FDFT1: variants seen among roughly 807,000 people sequenced by gnomAD.
The protein encoded by FDFT1 is squalene synthase.
In FDFT1, 68 loss-of-function variants were observed where a neutral mutation model predicts 46.8. That is an observed-to-expected ratio of 1.45 (90% CI 1.19 to 1.78). FDFT1 has a LOEUF of 1.78. Among genes scored for constraint, FDFT1 ranks in the 40% most tolerant of loss-of-function variants. The pLI, the probability that FDFT1 is intolerant of heterozygous loss-of-function variation, is 0.00. For synonymous variants in FDFT1, 351 were observed against 185.1 expected, an observed-to-expected ratio of 1.90 and a Z score of -7.28; for missense variants, 928 against 524.4, an observed-to-expected ratio of 1.77 and a Z score of -7.52.
chr8:11,810,264 C>G (rs923738018), intron 3 of FDFT1, among the ~76,000 whole-genome samples: 4 of 152,184 alleles, frequency 2.6e-5, no homozygotes, highest in African/African-American at 9.7e-5. Flanking sequence ...GTGAAAGATT[C>G]TCAGGCTAGC....
At position 11,826,127 on chromosome 8, in the gene FDFT1, A is replaced by G. The variant is rs1378967141; in HGVS notation, c.614A>G (p.Asn205Ser). The G allele has an allele frequency of 5.0e-6, 8 of 1,608,726 alleles. No individual in the cohort carries two copies. Among genetic ancestry groups the G allele is most frequent in the South Asian group, 1.1e-5 (1 of 90,620 alleles). Residue 205 changes from asparagine (N) to serine (S), a missense_variant, in exon 5 of 8, where the codon AAC (asparagine) becomes AGC (serine). By Grantham distance (46) the Asn-to-Ser change is conservative. Coordinates refer to ENST00000220584, the MANE Select transcript of FDFT1 (RefSeq NM_004462.5). ...GTTGGTGAAGATACAGAACGTGCCA[A>G]CTCTATGGGCCTGTTTTTGCAGAAA... Reference protein sequence around the residue: ...PLVGEDTERANSMGLFLQKTN... With the variant: ...PLVGEDTERASSMGLFLQKTN...
At chr8:11,825,972 C>A in intron 4 of FDFT1, 52 bp from the exon 5 acceptor site, 1 of 1,328,272 alleles carries the variant, frequency 7.5e-7, no homozygotes, top group Non-Finnish European at 1.0e-6. Flanking sequence ...CTAGTGTGTC[C>A]ATTTCAGTAA....
chr8:11,805,845 C>T (rs959928871), intron 1 of FDFT1, among the ~76,000 whole-genome samples: 19 of 152,120 alleles, frequency 1.2e-4, no homozygotes, highest in Admixed American at 3.3e-4. Flanking sequence ...TAAATTCTGC[C>T]CCAGGTCTTG....
upstream of FDFT1, among the ~76,000 whole-genome samples, chr8:11,800,272 AAAAAAAAAAAAAAAAAAAAAG>A (rs1469227470): frequency 8.5e-5 from 11 of 129,650 alleles, no homozygotes; most frequent in Non-Finnish European, 2.0e-4. Context: ...AAAAAAAAAA[AAAAAAAAAAAAAAAAAAAAAG>A]GCGCTTGAAC....
intron 3 of FDFT1, among the ~76,000 whole-genome samples, chr8:11,812,348 G>A (rs1174433566): frequency 1.3e-5 from 2 of 152,226 alleles, no homozygotes; most frequent in Non-Finnish European, 2.9e-5. Flanking sequence ...CCTTGGGCCT[G>A]AGTGATGGCC....
intron 3 of FDFT1, 56 bp from the exon 4 acceptor site, chr8:11,821,694 G>C (rs1236911379): frequency 6.3e-7 from 1 of 1,588,498 alleles, no homozygotes; most frequent in Non-Finnish European, 8.6e-7. Context: ...TGTGATCTTT[G>C]GTGCCATGTC....
In FDFT1 at chr8:11,814,300, G is replaced by GTTT. The variant is rs368859890; in HGVS notation, c.381+4465_381+4467dup. ...TGGAAGTACCAGATTGATTTTATAG[G>GTTT]TTTTTTTTTTTTTTTTTGGAGGGAC... On this transcript the variant is annotated intron_variant, in intron 3 of 7. Coordinates refer to ENST00000220584, the MANE Select transcript of FDFT1 (RefSeq NM_004462.5). Among the ~76,000 whole-genome samples the GTTT allele has an allele frequency of 8.6e-3, 1,182 of 137,958 alleles. 23 individuals carry two copies. Among genetic ancestry groups the GTTT allele is most frequent in the African/African-American group, 0.028 (1,056 of 37,164 alleles). The allele number at this position is 137,958 out of a possible 152,430, so 90.5% of individuals were successfully genotyped here.
At chr8:11,810,310 C>A (rs947743125) in intron 3 of FDFT1, among the ~76,000 whole-genome samples, 1 of 152,310 alleles carries the variant, frequency 6.6e-6, no homozygotes, top group Non-Finnish European at 1.5e-5. Context: ...TGCAGCCTAC[C>A]TGTAACACTG....
intron 3 of FDFT1, among the ~76,000 whole-genome samples, chr8:11,816,659 G>A (rs145913824): frequency 6.6e-6 from 1 of 152,052 alleles, no homozygotes; most frequent in Non-Finnish European, 1.5e-5. Context: ...TCATGATTTG[G>A]CTCCTTGTTT....
chr8:11,815,303 T>G (rs1392979825), intron 3 of FDFT1, among the ~76,000 whole-genome samples: 2 of 152,216 alleles, frequency 1.3e-5, no homozygotes, highest in African/African-American at 4.8e-5. Context: ...AGGTCTTTGC[T>G]ATTGTGAATA....
chr8:11,838,886 G>A lies in FDFT1; in HGVS notation c.*277G>A, dbSNP rs951229886. The A allele has an allele frequency of 2.9e-5, 13 of 441,132 alleles. No homozygotes were observed. Among genetic ancestry groups the A allele is most frequent in the African/African-American group, 1.6e-4 (8 of 49,648 alleles). 27.3% of individuals were successfully genotyped at this position (441,132 alleles called of 1,614,324 possible). On this transcript the variant is annotated 3_prime_UTR_variant, in exon 8 of 8. Coordinates refer to ENST00000220584, the MANE Select transcript of FDFT1 (RefSeq NM_004462.5). ...TCAGTGCCACGGTTTAGGTGAAGTC[G>A]CTGCATATGTGACTGTCATGAGATC... is the stretch of plus-strand genomic sequence containing the variant.
At chr8:11,830,811 C>T (rs574310598) in intron 6 of FDFT1, among the ~76,000 whole-genome samples, 4 of 152,236 alleles carry the variant, frequency 2.6e-5, no homozygotes, top group South Asian at 2.1e-4. Flanking sequence ...TTCCTAGACC[C>T]GGCATAAAAA....
At chr8:11,832,533 T>TA (rs1261423676) in intron 7 of FDFT1, among the ~76,000 whole-genome samples, 2 of 99,956 alleles carry the variant, frequency 2.0e-5, no homozygotes, top group African/African-American at 3.5e-5. Context: ...GCCTGGGTGA[T>TA]AGAGTGAGAC....
At position 11,838,862 on chromosome 8, in the gene FDFT1, C is replaced by T; in HGVS notation, c.*253C>T. ...TGCTTGTGGCTCATGGCAGAGCATT[C>T]AGTGCCACGGTTTAGGTGAAGTCGC... On this transcript the variant is annotated 3_prime_UTR_variant, in exon 8 of 8. Transcript: ENST00000220584. 1 of 500,028 alleles carries T rather than the reference C, an allele frequency of 2.0e-6. No individual in the cohort carries two copies. Among genetic ancestry groups the T allele is most frequent in the Non-Finnish European group, 3.6e-6 (1 of 277,120 alleles). 31.0% of individuals were successfully genotyped at this position (500,028 alleles called of 1,614,324 possible).
intron 7 of FDFT1, among the ~76,000 whole-genome samples, chr8:11,833,443 TTATGTAG>T (rs1238312793): frequency 7.9e-5 from 12 of 152,336 alleles, no homozygotes; most frequent in Non-Finnish European, 1.5e-4. Flanking sequence ...TAGAAACATT[TTATGTAG>T]TAAGTAGTTG....
intron 3 of FDFT1, among the ~76,000 whole-genome samples, chr8:11,818,705 G>A (rs1306416970): frequency 6.7e-6 from 1 of 149,056 alleles, no homozygotes; most frequent in African/African-American, 2.5e-5. Flanking sequence ...TTTTTCGCTT[G>A]GTAGATCTTC....
At chr8:11,836,726 T>G (rs1442094519) in intron 7 of FDFT1, among the ~76,000 whole-genome samples, 1 of 152,264 alleles carries the variant, frequency 6.6e-6, no homozygotes, top group Non-Finnish European at 1.5e-5. Context: ...TATATTTTAC[T>G]TTATGGATGC....
At chr8:11,804,214 A>G (rs1806505992) in intron 1 of FDFT1, among the ~76,000 whole-genome samples, 1 of 152,240 alleles carries the variant, frequency 6.6e-6, no homozygotes, top group Non-Finnish European at 1.5e-5. Flanking sequence ...GCAGAGGAAG[A>G]TACTAGCAGG....
intron 3 of FDFT1, among the ~76,000 whole-genome samples, chr8:11,812,280 C>T (rs1023976267): frequency 3.3e-5 from 5 of 152,244 alleles, no homozygotes; most frequent in African/African-American, 1.2e-4. Context: ...TCCGCACAGT[C>T]TATTTCCTAA....
Sources: allele counts gnomAD v4.1 joint callset (sites outside exome capture counted in the v4.1 genomes callset), GRCh38; gene constraint gnomAD v4.1.1; transcripts MANE v1.5; gene names NCBI Gene and HGNC (gene_info 2026-07-23, HGNC 2026-07-21).